GATAD2A: variants seen among roughly 807,000 people sequenced by gnomAD.
The protein encoded by GATAD2A is GATA zinc finger domain containing 2A, also known as transcriptional repressor p66-alpha.
Under a neutral mutation model 68.5 loss-of-function variants are expected in GATAD2A, and 12 were observed. That is an observed-to-expected ratio of 0.18 (90% CI 0.11 to 0.28). The LOEUF (loss-of-function observed/expected upper bound fraction) is 0.28. GATAD2A is among the 10% of genes least tolerant of loss of function. The pLI is 1.00. For missense variants in GATAD2A, 755 were observed against 868.5 expected, an observed-to-expected ratio of 0.87 and a Z score of 1.64; for synonymous variants, 410 against 375.3, an observed-to-expected ratio of 1.09 and a Z score of -1.07.
chr19:19,431,599 CAGG>C (rs558338816), intron 1 of GATAD2A, among the ~76,000 whole-genome samples: 2,544 of 149,012 alleles, frequency 0.017, 35 homozygotes, highest in Non-Finnish European at 0.028. Context: ...GAGGCTGAGG[CAGG>C]AGAATTGTTT....
intron 7 of GATAD2A, among the ~76,000 whole-genome samples, chr19:19,498,202 A>G (rs1891377863): frequency 6.6e-6 from 1 of 152,234 alleles, no homozygotes; most frequent in Non-Finnish European, 1.5e-5. Flanking sequence ...TTTATCTGGT[A>G]AACCTCGGTG....
intron 5 of GATAD2A, among the ~76,000 whole-genome samples, 191 bp downstream of exon 5, chr19:19,494,574 A>G (rs896537135): frequency 1.3e-5 from 2 of 152,178 alleles, no homozygotes; most frequent in African/African-American, 4.8e-5. Flanking sequence ...TCCAAGCCCC[A>G]CGGCCCAAAG....
chr19:19,402,010 GT>G (rs2049795353), upstream of GATAD2A: 1 of 152,134 alleles, frequency 6.6e-6, no homozygotes, highest in Non-Finnish European at 1.5e-5. Flanking sequence ...TATTAGTGGG[GT>G]TTGGTCTATG....
In GATAD2A at chr19:19,500,107, C is replaced by A. The variant is rs187118249; in HGVS notation, c.1205-1011C>A. Among the ~76,000 whole-genome samples, 70 of 152,376 alleles carry A rather than the reference C, an allele frequency of 4.6e-4. No homozygotes were observed. In the East Asian group the frequency reaches 0.013, roughly 29 times the overall value. On this transcript the variant is annotated intron_variant, in intron 8 of 11. Coordinates refer to ENST00000683918, the MANE Select transcript of GATAD2A (RefSeq NM_001384528.1). Reference sequence around the variant, plus strand: ...TCCCTCATCAGGGCTCAGTCTCCCTCTCCTGTTGCCAAGGATAGGACCTCA... The same window carrying A: ...TCCCTCATCAGGGCTCAGTCTCCCTATCCTGTTGCCAAGGATAGGACCTCA...
intron 1 of GATAD2A, among the ~76,000 whole-genome samples, chr19:19,428,900 C>T (rs565837238): frequency 5.3e-5 from 8 of 152,194 alleles, no homozygotes; most frequent in South Asian, 2.1e-4. Context: ...GGCCGCGCCC[C>T]GAAGCTCTGG....
intron 11 of GATAD2A, 129 bp from the exon 12 acceptor site, chr19:19,505,215 G>C (rs572741414): frequency 8.2e-5 from 62 of 759,026 alleles, no homozygotes; most frequent in African/African-American, 6.7e-4. Context: ...GAGTAGTGTG[G>C]GTGGGTTTGC....
At chr19:19,490,966 T>C (rs553876717) in intron 2 of GATAD2A, among the ~76,000 whole-genome samples, 12 of 152,308 alleles carry the variant, frequency 7.9e-5, no homozygotes, top group Admixed American at 4.6e-4. Context: ...AGCTGCTTGG[T>C]TGGGGACAAA....
In GATAD2A at chr19:19,492,659, T is replaced by G; in HGVS notation, c.481T>G (p.Leu161Val). The G allele has an allele frequency of 1.9e-6, 3 of 1,614,172 alleles. No homozygotes were observed. The South Asian group carries it at 3.3e-5, about 18-fold the overall frequency. ...ELRLEEAKLV[L>V]LKKLRQSQIQ... ...GAGGTTAGAAGAAGCAAAACTCGTG[T>G]TGTTGAAAAAGTTGCGGCAGAGTCA... is the stretch of plus-strand genomic sequence containing the variant. The change falls in exon 4 of 12, where the codon TTG becomes GTG. Residue 161 changes from leucine to valine, a missense_variant. Transcript: ENST00000683918.
intron 2 of GATAD2A, among the ~76,000 whole-genome samples, chr19:19,485,048 G>A (rs2148303352): frequency 6.6e-6 from 1 of 152,316 alleles, no homozygotes; most frequent in Non-Finnish European, 1.5e-5. Flanking sequence ...CCTTCCTAGA[G>A]CTGTTCTCAT....
At chr19:19,457,043 A>G (rs2056997780) in intron 1 of GATAD2A, 1 of 957,618 alleles carries the variant, frequency 1.0e-6, no homozygotes, top group Non-Finnish European at 1.2e-6. Flanking sequence ...AGGATCCCAG[A>G]GCTGAAAGTG....
intron 1 of GATAD2A, among the ~76,000 whole-genome samples, chr19:19,412,216 C>T (rs575453718): frequency 2.6e-5 from 4 of 151,096 alleles, no homozygotes; most frequent in African/African-American, 9.7e-5. Flanking sequence ...AGTGCAGTGA[C>T]GCGATCTCAG....
intron 2 of GATAD2A, among the ~76,000 whole-genome samples, chr19:19,486,145 G>C (rs1310897644): frequency 6.6e-6 from 1 of 152,208 alleles, no homozygotes; most frequent in Non-Finnish European, 1.5e-5. Flanking sequence ...GTTTGTGAAT[G>C]TTCAGGTGTC....
intron 2 of GATAD2A, chr19:19,474,114 A>G: frequency 1.0e-6 from 1 of 985,372 alleles, no homozygotes; most frequent in Non-Finnish European, 1.2e-6. Flanking sequence ...CCAGCTGGAA[A>G]AAAGGTGTGC....
At chr19:19,501,883 G>A (rs1156286805) in intron 9 of GATAD2A, 86 bp from the exon 10 acceptor site, 4 of 963,856 alleles carry the variant, frequency 4.2e-6, no homozygotes, top group Admixed American at 2.0e-5. Context: ...CCCAGGGGAC[G>A]GGCCTGTCCT....
chr19:19,460,252 G>C (rs372209121), intron 1 of GATAD2A, among the ~76,000 whole-genome samples: 4 of 152,230 alleles, frequency 2.6e-5, no homozygotes, highest in African/African-American at 9.6e-5. Context: ...GAGGAGAGTA[G>C]ACAGGGGTTC....
chr19:19,399,038 G>A (rs1349637003), intron 1 of GATAD2A, among the ~76,000 whole-genome samples: 8 of 150,746 alleles, frequency 5.3e-5, no homozygotes, highest in East Asian at 2.0e-4. Context: ...CAGCCTGGGC[G>A]ACAGAGTGAG....
chr19:19,426,040 G>A (rs755793937), intron 1 of GATAD2A, among the ~76,000 whole-genome samples: 1 of 151,964 alleles, frequency 6.6e-6, no homozygotes, highest in African/African-American at 2.4e-5. Context: ...CATCCACCTC[G>A]GCCTCCCAAA....
intron 11 of GATAD2A, among the ~76,000 whole-genome samples, chr19:19,504,088 G>T (rs1160815346): frequency 6.6e-6 from 1 of 152,148 alleles, no homozygotes; most frequent in East Asian, 1.9e-4. Flanking sequence ...TGTGGTCCCA[G>T]CTACTCAGCC....
chr19:19,426,460 T>A (rs994463443), intron 1 of GATAD2A, among the ~76,000 whole-genome samples: 8 of 152,306 alleles, frequency 5.3e-5, no homozygotes, highest in Middle Eastern at 6.8e-3. Flanking sequence ...TGACATAATG[T>A]GTGGCCGCTG....
Sources: gnomAD v4.1 joint callset for allele counts (sites outside exome capture counted in the v4.1 genomes callset) on GRCh38, gnomAD v4.1.1 for gene constraint, MANE v1.5 for transcripts, NCBI Gene and HGNC (gene_info 2026-07-23, HGNC 2026-07-21) for gene names.